The following CUZD1 variants were observed in gnomAD, a reference collection of about 807,000 sequenced individuals.
CUZD1 encodes the protein CUB and zona pellucida-like domain-containing protein 1.
In CUZD1, 42 loss-of-function variants were observed where a neutral mutation model predicts 53.1. The ratio of observed to expected loss-of-function variants is 0.79; its 90% confidence interval spans 0.62 to 1.02. CUZD1 has a LOEUF of 1.02. Ranked by LOEUF, CUZD1 falls within the 50% of genes least tolerant of loss-of-function variation. The pLI, the probability that CUZD1 is intolerant of heterozygous loss-of-function variation, is 0.00. For synonymous variants in CUZD1, 238 were observed against 257.2 expected, an observed-to-expected ratio of 0.93 and a Z score of 0.71; for missense variants, 670 against 715.7, an observed-to-expected ratio of 0.94 and a Z score of 0.73.
At chr10:122,836,765 T>G (rs763663836) in intron 5 of CUZD1, 66 bp downstream of exon 5, 3 of 1,315,406 alleles carry the variant, frequency 2.3e-6, no homozygotes, top group Non-Finnish European at 3.3e-6. Flanking sequence ...GGCTAAAAAT[T>G]AACAATTTCT....
chr10:122,836,112 C>T, intron 6 of CUZD1, 66 bp downstream of exon 6: 8 of 1,423,930 alleles, frequency 5.6e-6, no homozygotes, highest in East Asian at 2.4e-5. Context: ...CAAGCATTAC[C>T]CTGACTGCAT....
chr10:122,834,318 C>T (rs749422592), intron 7 of CUZD1, among the ~76,000 whole-genome samples: 2 of 152,082 alleles, frequency 1.3e-5, no homozygotes, highest in African/African-American at 4.8e-5. Flanking sequence ...CTTAAGAATG[C>T]TACATATGTT....
chr10:122,835,144 T>C (rs1199080892), intron 6 of CUZD1, 47 bp from the exon 7 acceptor site: 3 of 1,424,718 alleles, frequency 2.1e-6, no homozygotes, highest in East Asian at 4.6e-5. Context: ...AGTCCAGTAA[T>C]ATTTTAGAGC....
At chr10:122,844,825 C>T (rs1040211830) in intron 1 of CUZD1, among the ~76,000 whole-genome samples, 1 of 152,038 alleles carries the variant, frequency 6.6e-6, no homozygotes, top group African/African-American at 2.4e-5. Flanking sequence ...TCAAAAACCC[C>T]ACCTACATAG....
chr10:122,837,656 T>C lies in CUZD1; in HGVS notation c.449-102A>G, dbSNP rs1387670350. 2.2e-5 allele frequency: 25 copies of C among 1,145,104 alleles called. No individual in the cohort carries two copies. The Admixed American group carries it at 3.4e-4, about 15-fold the overall frequency. The allele number at this position is 1,145,104 out of a possible 1,614,324, so 70.9% of individuals were successfully genotyped here. ...CTTAACACATCTCTCCTGAGTATGA[T>C]TCCATCTCTATCTTTCCCATGGGTC... On this transcript the variant is annotated intron_variant, in intron 3 of 8. Coordinates refer to ENST00000392790, the MANE Select transcript of CUZD1 (RefSeq NM_022034.6).
chr10:122,845,092 T>A (rs557115973), intron 1 of CUZD1, among the ~76,000 whole-genome samples: 2,028 of 137,236 alleles, frequency 0.015, 51 homozygotes, highest in African/African-American at 0.05. Context: ...TTTTTTTTTT[T>A]ATGAGACGGA....
chr10:122,836,097 G>T, intron 6 of CUZD1, 81 bp downstream of exon 6: 1 of 1,321,446 alleles, frequency 7.6e-7, no homozygotes, highest in Non-Finnish European at 1.0e-6. Context: ...TGTTACAGCA[G>T]CTAGCAAGCA....
In CUZD1 at chr10:122,832,521, T is replaced by TAATAC; in HGVS notation, c.1652-76_1652-72dup. The TAATAC allele has an allele frequency of 2.9e-6, 4 of 1,355,948 alleles. No homozygotes were observed. In the Admixed American group the frequency reaches 7.0e-5, roughly 24 times the overall value. The allele number at this position is 1,355,948 out of a possible 1,614,324, so 84.0% of individuals were successfully genotyped here. ...CATTATAAAATGTTGGTAGCTTTTA[T>TAATAC]AATACCTGTACATATCCTATGAATC... is the stretch of plus-strand genomic sequence containing the variant. On this transcript the variant is annotated intron_variant, in intron 8 of 8. Coordinates refer to ENST00000392790, the MANE Select transcript of CUZD1 (RefSeq NM_022034.6).
At position 122,837,414 on chromosome 10, in the gene CUZD1, T is replaced by G; in HGVS notation, c.589A>C (p.Lys197Gln). The G allele has an allele frequency of 6.2e-7, 1 of 1,614,108 alleles. No individual in the cohort carries two copies. The highest frequency in any genetic ancestry group is 8.5e-7 in the Non-Finnish European group (1 of 1,179,976). The change falls in exon 4 of 9, where the codon AAA (lysine) becomes CAA (glutamine). Residue 197 changes from lysine to glutamine, a missense_variant. Coordinates refer to ENST00000392790, the MANE Select transcript of CUZD1 (RefSeq NM_022034.6). Reference sequence around the variant, plus strand: ...GGCAGCAGTACTTACAAAATCTCTTTGAAGTTTAGTTTTATCTTGTAATCT... The same window carrying G: ...GGCAGCAGTACTTACAAAATCTCTTGGAAGTTTAGTTTTATCTTGTAATCT... ...EKDYKIKLNF[K>Q]EIFLEIDKQC...
In CUZD1 at chr10:122,832,337, C is replaced by T. The variant is rs770291640; in HGVS notation, c.1765G>A (p.Val589Met). Residue 589 changes from valine to methionine, a missense_variant, in exon 9 of 9, where the codon GTG (valine) becomes ATG (methionine). Transcript: ENST00000392790. The stretch of plus-strand genomic sequence containing the variant: ...GCCCGTTGATTTACAAAATGCCTCA[C>T]TGTGATTGTCGCTACAGTCACCACA... The part of the protein sequence containing the change: ...LNVVTVATIT[V>M]RHFVNQRADY... 11 of 1,614,168 alleles carry T rather than the reference C, an allele frequency of 6.8e-6. No individual in the cohort carries two copies. Among genetic ancestry groups the T allele is most frequent in the South Asian group, 1.1e-5 (1 of 91,078 alleles).
In CUZD1 at chr10:122,837,052, G is replaced by C. The variant is rs768438076; in HGVS notation, c.600-4C>G. On this transcript the variant is annotated splice_polypyrimidine_tract_variant and splice_region_variant and intron_variant, in intron 4 of 8. Coordinates refer to ENST00000392790, the MANE Select transcript of CUZD1 (RefSeq NM_022034.6). ...GCACTGTTTGTCTATTTCTAGGCTAGAGAATGAGGGCCTCTGGTGAAAAAG... is the reference window on the plus strand; with the variant it reads ...GCACTGTTTGTCTATTTCTAGGCTACAGAATGAGGGCCTCTGGTGAAAAAG... The C allele has an allele frequency of 1.8e-5, 28 of 1,587,068 alleles. No individual in the cohort carries two copies. Among genetic ancestry groups the C allele is most frequent in the Admixed American group, 5.1e-5 (3 of 59,278 alleles).
At chr10:122,838,969 C>T (rs1168380862) in intron 3 of CUZD1, 48 bp downstream of exon 3, 1 of 1,402,036 alleles carries the variant, frequency 7.1e-7, no homozygotes, top group African/African-American at 1.4e-5. Flanking sequence ...AGTGTGTAAC[C>T]TGTGCTTGTA....
intron 2 of CUZD1, 59 bp from the exon 3 acceptor site, chr10:122,839,290 G>A: frequency 1.4e-6 from 2 of 1,421,666 alleles, no homozygotes; most frequent in Non-Finnish European, 2.0e-6. Context: ...GGTTTGCAGA[G>A]CAGTCAATTG....
At chr10:122,843,226 T>G (rs1011144288) in intron 1 of CUZD1, among the ~76,000 whole-genome samples, 1 of 152,190 alleles carries the variant, frequency 6.6e-6, no homozygotes, top group Non-Finnish European at 1.5e-5. Context: ...TAAAACATGG[T>G]CTATCCATAC....
intron 8 of CUZD1, among the ~76,000 whole-genome samples, chr10:122,833,366 C>A (rs925991857): frequency 1.3e-5 from 2 of 151,860 alleles, no homozygotes; most frequent in Non-Finnish European, 2.9e-5. Context: ...ATCTGCTATG[C>A]CATCTATAAT....
Position 122,836,301 on chromosome 10 carries a change from G to A in CUZD1, c.867C>T (p.Ser289=). ...SDRMRVIISK[S]YLEAFNSNGN... ...CATTAGAGTTAAAAGCCTCTAGGTA[G>A]GATTTGCTTATAATAACTCTCATCC... is the stretch of plus-strand genomic sequence containing the variant. Residue 289 remains serine (S), a synonymous_variant, in exon 6 of 9, where the codon TCC becomes TCT. Transcript: ENST00000392790. 6.2e-7 allele frequency: 1 copy of A among 1,606,952 alleles called. No individual in the cohort carries two copies. The highest frequency in any genetic ancestry group is 8.5e-7 in the Non-Finnish European group (1 of 1,177,922).
intron 3 of CUZD1, 21 bp downstream of exon 3, chr10:122,838,996 G>A (rs757448158): frequency 1.3e-4 from 198 of 1,567,846 alleles, no homozygotes; most frequent in Non-Finnish European, 1.6e-4. Context: ...GTGGGTGAAG[G>A]TTGTGTAAAT....
At chr10:122,840,750 C>A (rs1005283625) in intron 2 of CUZD1, among the ~76,000 whole-genome samples, 1 of 152,106 alleles carries the variant, frequency 6.6e-6, no homozygotes, top group African/African-American at 2.4e-5. Flanking sequence ...AGATTATAAT[C>A]TAATCATATG....
At chr10:122,833,197 T>C (rs1847186865) in intron 8 of CUZD1, among the ~76,000 whole-genome samples, 1 of 152,186 alleles carries the variant, frequency 6.6e-6, no homozygotes, top group East Asian at 1.9e-4. Context: ...GATCTCAGGT[T>C]TCAAGCCTTT....
Sources: gnomAD v4.1 joint callset for allele counts (sites outside exome capture counted in the v4.1 genomes callset) on GRCh38, gnomAD v4.1.1 for gene constraint, MANE v1.5 for transcripts, NCBI Gene and HGNC (gene_info 2026-07-23, HGNC 2026-07-21) for gene names.